Variants in TRMU observed in about 807,000 individuals in gnomAD.
The protein encoded by TRMU is mitochondrial tRNA-specific 2-thiouridylase 1.
A neutral mutation model predicts 46.9 loss-of-function variants in TRMU; 49 were observed. The ratio of observed to expected loss-of-function variants is 1.05; its 90% CI spans 0.83 to 1.33. TRMU has a LOEUF of 1.33. TRMU is among the 40% of genes most tolerant of loss of function. The pLI is 0.00. For missense variants in TRMU, 572 were observed against 532.4 expected (o/e 1.07, Z -0.73); for synonymous variants, 241 against 200.9 (o/e 1.20, Z -1.69).
At position 46,352,390 on chromosome 22, in the gene TRMU, C is replaced by G. The variant is rs143956237; in HGVS notation, c.772+60C>G. Reference sequence around the variant, plus strand: ...TGCCTAGAGCTGTGGCGTTTCAGCTCTGGGAGACTAGACCAGAGTTCCTGT... The same window carrying G: ...TGCCTAGAGCTGTGGCGTTTCAGCTGTGGGAGACTAGACCAGAGTTCCTGT... On this transcript the variant is annotated intron_variant, in intron 7 of 10. Coordinates refer to ENST00000645190, the MANE Select transcript of TRMU (RefSeq NM_018006.5). The G allele has an allele frequency of 1.9e-6, 3 of 1,583,998 alleles. No individual in the cohort carries two copies. In the African/African-American group the frequency reaches 4.0e-5, roughly 21 times the overall value.
Position 46,342,383 on chromosome 22 carries a change from C to A in TRMU, c.249-879C>A, listed in dbSNP as rs1378577959. 6.6e-6 allele frequency among the ~76,000 whole-genome samples: 1 copy of A among 152,156 alleles called. No individual in the cohort carries two copies. The highest frequency in any genetic ancestry group is 1.5e-5 in the Non-Finnish European group (1 of 68,026). On this transcript the variant is annotated intron_variant, in intron 2 of 10. Transcript: ENST00000645190. This position sits in a 1 kb window ranked among gnomAD's most constrained non-coding sequence, Gnocchi z 4.7. ...AGGGTCATGGAGTGTCCACACCCTC[C>A]CTGGGGACCACCCTCCAGGAGCCTC...
intron 1 of TRMU, among the ~76,000 whole-genome samples, chr22:46,337,013 C>T (rs2077995887): frequency 6.6e-6 from 1 of 152,148 alleles, no homozygotes; most frequent in African/African-American, 2.4e-5. Flanking sequence ...AGATGCTATA[C>T]CAGGGGCTTT....
In TRMU at chr22:46,350,721, G is replaced by A. The variant is rs2078394707; in HGVS notation, c.651+258G>A. 6.6e-6 allele frequency among the ~76,000 whole-genome samples: 1 copy of A among 152,180 alleles called. No homozygotes were observed. ...TATGTGGTAGGCAGCTTTCCCCACA[G>A]CCTTAGCAGCTGGTGGGGTGCTCTT... On this transcript the variant is annotated intron_variant, in intron 5 of 10. Coordinates refer to ENST00000645190, the MANE Select transcript of TRMU (RefSeq NM_018006.5). This position sits in a 1 kb window ranked among gnomAD's most constrained non-coding sequence, Gnocchi z 4.6.
chr22:46,345,898 G>T (rs376122182), intron 3 of TRMU, among the ~76,000 whole-genome samples: 1 of 151,896 alleles, frequency 6.6e-6, no homozygotes, highest in South Asian at 2.1e-4. Flanking sequence ...CTCCCAAGTG[G>T]CTGGGACTAC....
chr22:46,338,215 C>T lies in TRMU; in HGVS notation c.248+271C>T, dbSNP rs900422052. ...TGCTTTCTTGGACCTTGAGCTGTTT[C>T]TGTTGCCCAGTTAGGATAGGGGAGC... On this transcript the variant is annotated intron_variant, in intron 2 of 10. Transcript: ENST00000645190. The surrounding 1 kb of genome is among the most constrained non-coding windows in gnomAD (Gnocchi z 4.5). 2.2e-6 allele frequency: 1 copy of T among 446,788 alleles called. No homozygotes were observed. Among genetic ancestry groups the T allele is most frequent in the African/African-American group, 2.0e-5 (1 of 50,294 alleles). The allele number at this position is 446,788 out of a possible 1,614,324, so 27.7% of individuals were successfully genotyped here.
intron 3 of TRMU, 40 bp downstream of exon 3, chr22:46,343,408 CA>C (rs1569067676): frequency 6.9e-7 from 1 of 1,456,830 alleles, no homozygotes; most frequent in Admixed American, 1.7e-5. Context: ...TTTTTAAAGA[CA>C]GGGTCTCGCT....
At chr22:46,346,379 T>C in intron 3 of TRMU, 43 bp from the exon 4 acceptor site, 1 of 1,601,626 alleles carries the variant, frequency 6.2e-7, no homozygotes, top group South Asian at 1.1e-5. Flanking sequence ...GGCCTGCAAG[T>C]ATGAGTCTAA....
chr22:46,349,581 T>G lies in TRMU; in HGVS notation c.479-710T>G, dbSNP rs41483144. On this transcript the variant is annotated intron_variant, in intron 4 of 10. Coordinates refer to ENST00000645190, the MANE Select transcript of TRMU (RefSeq NM_018006.5). This position sits in a 1 kb window ranked among gnomAD's most constrained non-coding sequence, Gnocchi z 4.6. ...AAAACTGACGTTCGTCTTAGTTTTT[T>G]GCCATTGATCATTGAACTCGAGAGT... Among the ~76,000 whole-genome samples the G allele has an allele frequency of 6.7e-3, 1,025 of 152,332 alleles. 11 individuals carry two copies. The highest frequency in any genetic ancestry group is 0.024 in the African/African-American group (982 of 41,582).
intron 3 of TRMU, among the ~76,000 whole-genome samples, chr22:46,345,261 C>T (rs890211815): frequency 9.2e-5 from 14 of 151,992 alleles, no homozygotes; most frequent in Non-Finnish European, 1.5e-4. Flanking sequence ...TTTGTAGAGA[C>T]GGGGTTTCAT....
chr22:46,346,026 C>G (rs2078246863), intron 3 of TRMU, among the ~76,000 whole-genome samples: 2 of 152,130 alleles, frequency 1.3e-5, no homozygotes, highest in South Asian at 4.1e-4. Context: ...CCGCCTCGGC[C>G]TCCCAGAGTG....
Position 46,352,331 on chromosome 22 carries a change from G to T in TRMU, c.772+1G>T. On this transcript the variant is annotated splice_donor_variant, in intron 7 of 10. Coordinates refer to ENST00000645190, the MANE Select transcript of TRMU (RefSeq NM_018006.5). LOFTEE classifies it high-confidence loss of function. Reference sequence around the variant, plus strand: ...AATAAGGTTCTGGGAACACATAAAGGTGAGGTGCAGACTCTGCCACTTGTC... The same window carrying T: ...AATAAGGTTCTGGGAACACATAAAGTTGAGGTGCAGACTCTGCCACTTGTC... The T allele has an allele frequency of 6.2e-7, 1 of 1,613,970 alleles. No homozygotes were observed. The highest frequency in any genetic ancestry group is 8.5e-7 in the Non-Finnish European group (1 of 1,180,018).
At position 46,338,692 on chromosome 22, in the gene TRMU, G is replaced by A. The variant is rs1034797763; in HGVS notation, c.248+748G>A. ...AACGAGAGCAGCGTGAAGGGGAGAA[G>A]AAATGCTGATTGTGTATTTCAGGAC... On this transcript the variant is annotated intron_variant, in intron 2 of 10. Transcript: ENST00000645190. The surrounding 1 kb of genome is among the most constrained non-coding windows in gnomAD (Gnocchi z 4.5). 6.6e-6 allele frequency among the ~76,000 whole-genome samples: 1 copy of A among 152,244 alleles called. No individual in the cohort carries two copies. The highest frequency in any genetic ancestry group is 2.4e-5 in the African/African-American group (1 of 41,462).
Position 46,356,881 on chromosome 22 carries a change from G to A in TRMU, c.1141G>A (p.Gly381Arg), listed in dbSNP as rs766403441. The change falls in exon 11 of 11, where the codon GGG becomes AGG. Residue 381 changes from glycine to arginine, a missense_variant. By Grantham distance (125) the Gly-to-Arg change is moderately radical. Transcript: ENST00000645190. ...CAAGGGGGACGAGTGCCTGGGCAGC[G>A]GGAAGATCCTGCGGCTGGGGCCGTC... ...FYKGDECLGS[G>R]KILRLGPSAY... 14 of 1,613,486 alleles carry A rather than the reference G, an allele frequency of 8.7e-6. No homozygotes were observed. Among genetic ancestry groups the A allele is most frequent in the Admixed American group, 1.7e-5 (1 of 60,030 alleles).
Position 46,352,051 on chromosome 22 carries a change from A to G in TRMU, c.652-70A>G. On this transcript the variant is annotated intron_variant, in intron 5 of 10. Coordinates refer to ENST00000645190, the MANE Select transcript of TRMU (RefSeq NM_018006.5). The stretch of plus-strand genomic sequence containing the variant: ...GGCCGGGAGGCCCCAGGGCCCGCTC[A>G]GGACGTCTGGGTACAGCTTGGGCCA... The G allele has an allele frequency of 2.6e-6, 4 of 1,564,286 alleles. 1 individual carries two copies. In the South Asian group the frequency reaches 3.3e-5, roughly 13 times the overall value.
At chr22:46,355,348 T>G in intron 8 of TRMU, 96 bp from the exon 9 acceptor site, 1 of 1,522,252 alleles carries the variant, frequency 6.6e-7, no homozygotes, top group Non-Finnish European at 8.9e-7. Context: ...TGTGTGTGTG[T>G]GTGCTGGTAG....
chr22:46,352,427 C>A, intron 7 of TRMU, 97 bp downstream of exon 7: 1 of 1,458,100 alleles, frequency 6.9e-7, no homozygotes, highest in Non-Finnish European at 9.6e-7. Context: ...GTCCCTTCCA[C>A]TTGGCTGGAG....
At position 46,350,165 on chromosome 22, in the gene TRMU, TTGAG is replaced by T; in HGVS notation, c.479-123_479-120del. On this transcript the variant is annotated intron_variant, in intron 4 of 10. Transcript: ENST00000645190. The surrounding 1 kb of genome is among the most constrained non-coding windows in gnomAD (Gnocchi z 4.6). ...GTGGTCTTTTCCCTAGTAGTTGCTATTGAGTGTTGATGTCTGCCTCTGACAGGCT... is the reference window on the plus strand; with the variant it reads ...GTGGTCTTTTCCCTAGTAGTTGCTATTGTTGATGTCTGCCTCTGACAGGCT... The T allele has an allele frequency of 9.1e-7, 1 of 1,094,130 alleles. No individual in the cohort carries two copies. Among genetic ancestry groups the T allele is most frequent in the South Asian group, 1.3e-5 (1 of 74,460 alleles). 67.8% of individuals were successfully genotyped at this position (1,094,130 alleles called of 1,614,324 possible).
intron 9 of TRMU, 80 bp from the exon 10 acceptor site, chr22:46,355,910 G>A: frequency 6.6e-7 from 1 of 1,524,318 alleles, no homozygotes; most frequent in Non-Finnish European, 9.1e-7. Context: ...CCCGTGGGCT[G>A]GTGCTCCTTT....
rs564361656 is a variant in TRMU, at chr22:46,352,477, G to A, written c.772+147G>A. ...CTGTGGGGCGGCCGGGGGCGGGCACGGCCTAGGGTGGAACAGTTGCCTTGA... is the reference window on the plus strand; with the variant it reads ...CTGTGGGGCGGCCGGGGGCGGGCACAGCCTAGGGTGGAACAGTTGCCTTGA... On this transcript the variant is annotated intron_variant, in intron 7 of 10. Coordinates refer to ENST00000645190, the MANE Select transcript of TRMU (RefSeq NM_018006.5). The A allele has an allele frequency of 5.3e-5, 46 of 870,328 alleles. 1 individual carries two copies. The highest frequency in any genetic ancestry group is 5.5e-5 in the South Asian group (4 of 72,838). 53.9% of individuals were successfully genotyped at this position (870,328 alleles called of 1,614,324 possible).
Sources: gnomAD v4.1 joint callset for allele counts (sites outside exome capture counted in the v4.1 genomes callset) on GRCh38, gnomAD v4.1.1 for gene constraint, Gnocchi (gnomAD v3.1) non-coding constraint, MANE v1.5 for transcripts, NCBI Gene and HGNC (gene_info 2026-07-23, HGNC 2026-07-21) for gene names.